ATP2C1: variants seen among roughly 807,000 people sequenced by gnomAD.
The protein encoded by ATP2C1 is ATPase secretory pathway Ca2+ transporting 1.
In ATP2C1, 31 loss-of-function variants were observed where a neutral mutation model predicts 120.5. The ratio of observed to expected loss-of-function variants is 0.26; its 90% CI spans 0.19 to 0.35. The LOEUF (loss-of-function observed/expected upper bound fraction) is 0.35, where lower values mean the gene tolerates loss of function less well. Among genes scored for constraint, ATP2C1 ranks in the 10% least tolerant of loss-of-function variants. The pLI is 1.00. For synonymous variants in ATP2C1, 351 were observed against 358.7 expected (o/e 0.98, Z 0.24); for missense variants, 731 against 1,107.5 (o/e 0.66, Z 4.83).
intron 8 of ATP2C1, among the ~76,000 whole-genome samples, chr3:130,947,883 A>G (rs745924879): frequency 3.9e-5 from 6 of 152,110 alleles, no homozygotes; most frequent in Non-Finnish European, 8.8e-5. Flanking sequence ...TATGTGGATT[A>G]CAATGAACAT....
intron 18 of ATP2C1, among the ~76,000 whole-genome samples, chr3:130,977,860 A>G (rs903899556): frequency 2.0e-5 from 3 of 152,194 alleles, no homozygotes; most frequent in East Asian, 1.9e-4. Context: ...ATGTACTTAC[A>G]TTACATCTTA....
In ATP2C1 at chr3:131,001,323, G is replaced by A. The variant is rs372102536; in HGVS notation, c.2733G>A (p.Ser911=). The A allele has an allele frequency of 5.3e-5, 86 of 1,613,188 alleles. No homozygotes were observed. The highest frequency in any genetic ancestry group is 1.6e-4 in the Middle Eastern group (1 of 6,078). ...AAAAGATCCAGAAGCATGTTAGTTC[G>A]ACATCATCATCTTTTCTTGAAGTAT... The part of the protein sequence containing the change: ...SREKIQKHVS[S]TSSSFLEV The change falls in exon 28 of 28, where the codon TCG becomes TCA. Residue 911 remains serine, a synonymous_variant. Coordinates refer to ENST00000510168, the MANE Select transcript of ATP2C1 (RefSeq NM_001378687.1).
intron 2 of ATP2C1, among the ~76,000 whole-genome samples, chr3:130,924,147 G>T (rs368071113): frequency 2.1e-5 from 3 of 145,918 alleles, no homozygotes; most frequent in African/African-American, 2.5e-5. Context: ...TTTTGTTTTT[G>T]TTTTTTTTTT....
intron 2 of ATP2C1, among the ~76,000 whole-genome samples, chr3:130,900,619 A>G (rs2057774732): frequency 6.6e-6 from 1 of 152,162 alleles, no homozygotes; most frequent in African/African-American, 2.4e-5. Flanking sequence ...TTAAACACGC[A>G]AAGTAAAAAT....
intron 11 of ATP2C1, among the ~76,000 whole-genome samples, chr3:130,957,144 A>T (rs895674246): frequency 7.2e-5 from 11 of 152,164 alleles, no homozygotes; most frequent in Non-Finnish European, 1.6e-4. Context: ...AAAAAATTGC[A>T]ACCTCAGACA....
chr3:130,861,381 C>T (rs1042637764), intron 1 of ATP2C1, among the ~76,000 whole-genome samples: 9 of 152,074 alleles, frequency 5.9e-5, no homozygotes, highest in African/African-American at 1.4e-4. Flanking sequence ...CTTGAGAACC[C>T]AGAAAGACAG....
intron 20 of ATP2C1, among the ~76,000 whole-genome samples, chr3:130,983,334 T>C (rs917938352): frequency 4.6e-5 from 7 of 152,218 alleles, no homozygotes; most frequent in Non-Finnish European, 8.8e-5. Flanking sequence ...TTAGCAGTGT[T>C]AGATTTATAG....
intron 17 of ATP2C1, among the ~76,000 whole-genome samples, chr3:130,971,931 C>G (rs1357444342): frequency 6.6e-6 from 1 of 152,172 alleles, no homozygotes; most frequent in Non-Finnish European, 1.5e-5. Context: ...AGGCTGGCAT[C>G]TCCCTACTGT....
At chr3:131,005,130 T>A (rs2063055735), downstream of ATP2C1, among the ~76,000 whole-genome samples, 1 of 149,586 alleles carries the variant, frequency 6.7e-6, no homozygotes, top group Admixed American at 6.6e-5. Context: ...TTTTTTTTTT[T>A]TTTGAGGCAG....
intron 27 of ATP2C1, among the ~76,000 whole-genome samples, chr3:131,000,592 ATC>A (rs1427346889): frequency 6.6e-6 from 1 of 151,966 alleles, no homozygotes; most frequent in Non-Finnish European, 1.5e-5. Flanking sequence ...GGGCTGTGTG[ATC>A]TATGAAATAA....
intron 19 of ATP2C1, 79 bp from the exon 20 acceptor site, chr3:130,980,503 A>G (rs977482446): frequency 1.0e-6 from 1 of 957,542 alleles, no homozygotes; most frequent in Non-Finnish European, 1.7e-6. Flanking sequence ...AACAAATCAT[A>G]CTAAATGAGC....
At chr3:130,993,836 TG>T (rs1452886970) in intron 21 of ATP2C1, 95 bp from the exon 22 acceptor site, 3 of 1,229,304 alleles carry the variant, frequency 2.4e-6, no homozygotes, top group Admixed American at 3.7e-5. Flanking sequence ...ATCTTAATTA[TG>T]TGAAAAAAAT....
At chr3:130,884,592 A>G (rs2107834131) in intron 1 of ATP2C1, among the ~76,000 whole-genome samples, 1 of 152,282 alleles carries the variant, frequency 6.6e-6, no homozygotes, top group Middle Eastern at 3.4e-3. Flanking sequence ...AATGCTGAAA[A>G]TGGAGTGTTT....
rs2108964505 is a variant in ATP2C1, at chr3:131,001,329, A to C, written c.2739A>C (p.Ser913=). The change falls in exon 28 of 28, where the codon TCA becomes TCC. Residue 913 remains serine (S), a synonymous_variant. Coordinates refer to ENST00000510168, the MANE Select transcript of ATP2C1 (RefSeq NM_001378687.1). ...EKIQKHVSST[S]SSFLEV is the part of the protein sequence containing the mutation. ...TCCAGAAGCATGTTAGTTCGACATCATCATCTTTTCTTGAAGTATGATGCA... is the reference window on the plus strand; with the variant it reads ...TCCAGAAGCATGTTAGTTCGACATCCTCATCTTTTCTTGAAGTATGATGCA... 1.2e-6 allele frequency: 2 copies of C among 1,613,542 alleles called. No homozygotes were observed.
intron 8 of ATP2C1, among the ~76,000 whole-genome samples, chr3:130,944,572 A>T (rs969448520): frequency 6.6e-6 from 1 of 152,122 alleles, no homozygotes; most frequent in East Asian, 1.9e-4. Context: ...TCTAACCCTG[A>T]TTACTTCCCA....
intron 1 of ATP2C1, among the ~76,000 whole-genome samples, chr3:130,863,799 G>A (rs919787615): frequency 6.6e-6 from 1 of 152,128 alleles, no homozygotes; most frequent in Non-Finnish European, 1.5e-5. Context: ...ATTTTCTCTT[G>A]CTGCTGCCAT....
Position 130,993,028 on chromosome 3 carries a change from TATTTCTGTATAC to T in ATP2C1, c.1890+29_1890+40del, listed in dbSNP as rs771955708. 10 of 1,587,496 alleles carry T rather than the reference TATTTCTGTATAC, an allele frequency of 6.3e-6. No homozygotes were observed. The East Asian group carries it at 1.1e-4, about 18-fold the overall frequency. Reference sequence around the variant, plus strand: ...TGAGTGTGTAAGAATCAGATTGTTTTATTTCTGTATACAAAATGCTGCTACTTTACTTTTGTT... The same window carrying T: ...TGAGTGTGTAAGAATCAGATTGTTTTAAAATGCTGCTACTTTACTTTTGTT... On this transcript the variant is annotated intron_variant, in intron 21 of 27. Coordinates refer to ENST00000510168, the MANE Select transcript of ATP2C1 (RefSeq NM_001378687.1).
chr3:130,944,818 A>G (rs1013502282), intron 8 of ATP2C1, among the ~76,000 whole-genome samples: 9 of 152,222 alleles, frequency 5.9e-5, no homozygotes, highest in Admixed American at 2.6e-4. Context: ...GATCGGTCCT[A>G]GTAGATCCAC....
At chr3:130,962,705 A>T (rs898989710) in intron 12 of ATP2C1, among the ~76,000 whole-genome samples, 1 of 135,214 alleles carries the variant, frequency 7.4e-6, no homozygotes, top group African/African-American at 2.8e-5. Context: ...TTTTTCCTTA[A>T]TGGAAGCATT....
Sources: gnomAD v4.1 joint callset for allele counts (sites outside exome capture counted in the v4.1 genomes callset) on GRCh38, gnomAD v4.1.1 for gene constraint, MANE v1.5 for transcripts, NCBI Gene and HGNC (gene_info 2026-07-23, HGNC 2026-07-21) for gene names.